Variants in RGS22 observed in about 807,000 individuals in gnomAD.
RGS22 encodes regulator of G protein signaling 22.
A neutral mutation model predicts 172.9 loss-of-function variants in RGS22; 148 were observed. The observed-to-expected ratio is 0.86, with a 90% CI of 0.75 to 0.98. The LOEUF is 0.98. RGS22 is among the 50% of genes least tolerant of loss of function. The pLI is 0.00. For missense variants in RGS22, 1,347 were observed against 1,440.8 expected (o/e 0.93, Z 1.05); for synonymous variants, 458 against 480.2 (o/e 0.95, Z 0.60).
intron 10 of RGS22, among the ~76,000 whole-genome samples, chr8:100,052,333 G>A (rs1175940560): frequency 3.5e-5 from 5 of 142,106 alleles, no homozygotes; most frequent in Admixed American, 1.5e-4. Context: ...ACAGAGTCTC[G>A]CTCTGTCCCC....
chr8:100,062,004 G>A (rs1810174735), intron 9 of RGS22, among the ~76,000 whole-genome samples: 1 of 152,170 alleles, frequency 6.6e-6, no homozygotes, highest in South Asian at 2.1e-4. Flanking sequence ...GCAGGAATAT[G>A]GATGGAACTG....
chr8:100,096,607 A>ATTT lies in RGS22; in HGVS notation c.55-3101_55-3099dup, dbSNP rs59285481. ...GCACCTTCAAATCAGATGAACTACA[A>ATTT]TTTTTTTTTTTTTTGAGACAGGTTC... On this transcript the variant is annotated intron_variant, in intron 2 of 27. Coordinates refer to ENST00000360863, the MANE Select transcript of RGS22 (RefSeq NM_015668.5). 6.0e-3 allele frequency among the ~76,000 whole-genome samples: 854 copies of ATTT among 142,514 alleles called. 7 individuals are homozygous for ATTT. Among genetic ancestry groups the ATTT allele is most frequent in the African/African-American group, 0.019 (737 of 38,762 alleles). The allele number at this position is 142,514 out of a possible 152,430, so 93.5% of individuals were successfully genotyped here.
intron 14 of RGS22, among the ~76,000 whole-genome samples, chr8:100,034,083 C>T (rs1819164369): frequency 6.6e-6 from 1 of 152,126 alleles, no homozygotes; most frequent in African/African-American, 2.4e-5. Flanking sequence ...CTCACCACTC[C>T]TATTCAACAT....
chr8:100,099,494 CT>C (rs1813294767), intron 2 of RGS22, among the ~76,000 whole-genome samples: 1 of 152,138 alleles, frequency 6.6e-6, no homozygotes, highest in African/African-American at 2.4e-5. Flanking sequence ...ACTGCTTATC[CT>C]TTTACTGTTT....
chr8:100,009,806 C>G (rs1337268902), intron 14 of RGS22, among the ~76,000 whole-genome samples: 1 of 152,098 alleles, frequency 6.6e-6, no homozygotes, highest in Non-Finnish European at 1.5e-5. Flanking sequence ...TCCATGTTAA[C>G]AACAGAAGCA....
At chr8:100,048,480 C>T (rs561430390) in intron 10 of RGS22, among the ~76,000 whole-genome samples, 3 of 152,078 alleles carry the variant, frequency 2.0e-5, no homozygotes, top group Non-Finnish European at 4.4e-5. Flanking sequence ...TTTTCTAATA[C>T]GTCAACTTCC....
At chr8:100,030,199 TACTC>T (rs1255568574) in intron 14 of RGS22, among the ~76,000 whole-genome samples, 2 of 152,246 alleles carry the variant, frequency 1.3e-5, no homozygotes, top group African/African-American at 4.8e-5. Flanking sequence ...GCACATGTAT[TACTC>T]ACATGTCTGT....
chr8:100,077,905 C>T (rs886481919), intron 4 of RGS22, among the ~76,000 whole-genome samples: 19 of 152,056 alleles, frequency 1.2e-4, no homozygotes, highest in African/African-American at 3.6e-4. Flanking sequence ...CTCTGTTGTT[C>T]GGTGCATATA....
intron 23 of RGS22, among the ~76,000 whole-genome samples, chr8:99,969,539 A>G (rs1353214067): frequency 3.3e-5 from 5 of 152,148 alleles, no homozygotes; most frequent in Admixed American, 2.0e-4. Context: ...AGGAATATTT[A>G]CCAAGCAAAT....
intron 11 of RGS22, among the ~76,000 whole-genome samples, chr8:100,043,554 T>C (rs966990541): frequency 3.3e-5 from 5 of 151,936 alleles, no homozygotes; most frequent in African/African-American, 1.2e-4. Flanking sequence ...GGTAGGTGGA[T>C]CACGTGAGGT....
chr8:100,027,248 A>G (rs1407378148), intron 14 of RGS22, among the ~76,000 whole-genome samples: 1 of 151,982 alleles, frequency 6.6e-6, no homozygotes, highest in Non-Finnish European at 1.5e-5. Context: ...AAAAAAAAAG[A>G]GAGAGACATT....
At chr8:100,032,084 C>T (rs1034527496) in intron 14 of RGS22, among the ~76,000 whole-genome samples, 8 of 152,114 alleles carry the variant, frequency 5.3e-5, no homozygotes, top group Non-Finnish European at 8.8e-5. Context: ...CAAAGACCAT[C>T]GATGCTAGGA....
At chr8:100,063,370 C>A in intron 8 of RGS22, 46 bp downstream of exon 8, 1 of 1,350,114 alleles carries the variant, frequency 7.4e-7, no homozygotes, top group South Asian at 1.7e-5. Context: ...AATTAATATT[C>A]ATAATTTGTT....
intron 14 of RGS22, among the ~76,000 whole-genome samples, chr8:100,038,328 CCTCT>C (rs1251355239): frequency 3.2e-5 from 3 of 94,876 alleles, no homozygotes; most frequent in Non-Finnish European, 4.3e-5. Flanking sequence ...TGTTCTTCCC[CCTCT>C]ATTTTTTTTT....
At position 100,002,208 on chromosome 8, in the gene RGS22, C is replaced by T; in HGVS notation, c.2784G>A (p.Gln928=). ...GPNSPASLYQ[Q]NQVMHLSGGW... ...TAGGTTTGCATGTTGATACCTGGTT[C>T]TGCTGATACAGAGAAGCTGGACTGT... The change falls in exon 18 of 28, where the codon CAG becomes CAA. Residue 928 remains glutamine (Q), a synonymous_variant. Coordinates refer to ENST00000360863, the MANE Select transcript of RGS22 (RefSeq NM_015668.5). The T allele has an allele frequency of 6.4e-7, 1 of 1,571,302 alleles. No homozygotes were observed. The highest frequency in any genetic ancestry group is 8.6e-7 in the Non-Finnish European group (1 of 1,165,132).
At chr8:100,052,595 CG>C (rs1821790801) in intron 10 of RGS22, among the ~76,000 whole-genome samples, 1 of 151,900 alleles carries the variant, frequency 6.6e-6, no homozygotes, top group Admixed American at 6.6e-5. Context: ...CCACCGCGCC[CG>C]GCCATGATTG....
chr8:99,998,232 T>C (rs1814602183), intron 19 of RGS22, among the ~76,000 whole-genome samples: 1 of 152,200 alleles, frequency 6.6e-6, no homozygotes, highest in South Asian at 2.1e-4. Context: ...ATAGATAACA[T>C]TTGAGTGTTT....
At chr8:100,094,862 TGTGCTACAATAAGG>T (rs1249076290) in intron 2 of RGS22, among the ~76,000 whole-genome samples, 1 of 152,228 alleles carries the variant, frequency 6.6e-6, no homozygotes, top group Non-Finnish European at 1.5e-5. Flanking sequence ...TAGAAGGCAT[TGTGCTACAATAAGG>T]GTGGCCAAAT....
chr8:100,062,516 C>A, intron 9 of RGS22, 75 bp downstream of exon 9: 1 of 960,840 alleles, frequency 1.0e-6, no homozygotes. Flanking sequence ...GTTATATATC[C>A]GTAAGACAAA....
Sources: gnomAD v4.1 joint callset for allele counts (sites outside exome capture counted in the v4.1 genomes callset) on GRCh38, gnomAD v4.1.1 for gene constraint, MANE v1.5 for transcripts, NCBI Gene and HGNC (gene_info 2026-07-23, HGNC 2026-07-21) for gene names.